FBXL17: variants seen among roughly 807,000 people sequenced by gnomAD.
FBXL17 encodes the protein F-box/LRR-repeat protein 17.
A neutral mutation model predicts 66.2 loss-of-function variants in FBXL17; 22 were observed. That is an observed-to-expected ratio of 0.33 (90% confidence interval 0.24 to 0.47). The LOEUF is 0.47. Ranked by LOEUF, FBXL17 falls within the 20% of genes least tolerant of loss-of-function variation. FBXL17 has a pLI of 1.00. For missense variants in FBXL17, 878 were observed against 948.2 expected, an observed-to-expected ratio of 0.93 and a Z score of 0.97; for synonymous variants, 474 against 400.5, an observed-to-expected ratio of 1.18 and a Z score of -2.19.
intron 7 of FBXL17, among the ~76,000 whole-genome samples, chr5:107,895,233 T>C (rs1749336460): frequency 6.6e-6 from 1 of 152,132 alleles, no homozygotes; most frequent in African/African-American, 2.4e-5. Flanking sequence ...AGATTCATCA[T>C]ATATTCCCTA....
Position 108,246,411 on chromosome 5 carries a change from G to A in FBXL17, c.1507-22183C>T, listed in dbSNP as rs116139956. Among the ~76,000 whole-genome samples the A allele has an allele frequency of 6.3e-3, 959 of 152,248 alleles. 8 individuals carry two copies. The highest frequency in any genetic ancestry group is 0.022 in the African/African-American group (918 of 41,526). Reference sequence around the variant, plus strand: ...GCACACCTGTAGTTCCAGGTGCTTGGGAGTCTGAGGTGGAAGGATCACTTG... The same window carrying A: ...GCACACCTGTAGTTCCAGGTGCTTGAGAGTCTGAGGTGGAAGGATCACTTG... On this transcript the variant is annotated intron_variant, in intron 4 of 8. Coordinates refer to ENST00000542267, the MANE Select transcript of FBXL17 (RefSeq NM_001163315.3).
At chr5:107,918,735 G>A (rs951197575) in intron 7 of FBXL17, among the ~76,000 whole-genome samples, 1 of 152,168 alleles carries the variant, frequency 6.6e-6, no homozygotes, top group African/African-American at 2.4e-5. Flanking sequence ...ACTGAATTAT[G>A]ATAGACAGTG....
chr5:107,892,283 A>G (rs1291769245), intron 7 of FBXL17, among the ~76,000 whole-genome samples: 1 of 150,214 alleles, frequency 6.7e-6, no homozygotes, highest in Non-Finnish European at 1.5e-5. Flanking sequence ...ATAAGCACTT[A>G]GGGGAAAAAT....
chr5:108,140,146 A>G (rs895806056), intron 6 of FBXL17, among the ~76,000 whole-genome samples: 1 of 152,128 alleles, frequency 6.6e-6, no homozygotes, highest in Non-Finnish European at 1.5e-5. Context: ...CCTGGGCTCA[A>G]GCAATCCTCC....
chr5:108,068,571 T>C (rs146720493), intron 6 of FBXL17, among the ~76,000 whole-genome samples: 1,957 of 152,018 alleles, frequency 0.013, 43 homozygotes, highest in African/African-American at 0.045. Context: ...TTCTCCCACC[T>C]CAGCCCCCTG....
At chr5:107,884,716 C>T (rs1374565186) in intron 7 of FBXL17, among the ~76,000 whole-genome samples, 1 of 152,182 alleles carries the variant, frequency 6.6e-6, no homozygotes, top group Non-Finnish European at 1.5e-5. Flanking sequence ...TGTTTGACAT[C>T]GGGATCACAT....
chr5:108,009,263 ATATAT>A (rs1754068702), intron 7 of FBXL17, among the ~76,000 whole-genome samples: 3 of 36,432 alleles, frequency 8.2e-5, no homozygotes, highest in East Asian at 1.7e-3. Flanking sequence ...TCCCTGTTTT[ATATAT>A]ATATATATAT....
chr5:108,025,729 A>G (rs378397), intron 6 of FBXL17, among the ~76,000 whole-genome samples: 49,567 of 107,198 alleles, frequency 0.46, 9,182 homozygotes, highest in South Asian at 0.6. Context: ...GCGCGCGCGC[A>G]CACACACACA....
chr5:108,301,430 A>G (rs568147612), intron 4 of FBXL17, among the ~76,000 whole-genome samples: 2 of 149,528 alleles, frequency 1.3e-5, no homozygotes, highest in Middle Eastern at 3.4e-3. Context: ...TATATTTACA[A>G]CAGCTTATCT....
chr5:107,876,641 C>T (rs1016036412), intron 8 of FBXL17, among the ~76,000 whole-genome samples: 1 of 152,180 alleles, frequency 6.6e-6, no homozygotes, highest in Non-Finnish European at 1.5e-5. Flanking sequence ...TTCTCATCAA[C>T]CTTGTCACCC....
chr5:107,941,361 C>T (rs1751090604), intron 7 of FBXL17, among the ~76,000 whole-genome samples: 1 of 152,200 alleles, frequency 6.6e-6, no homozygotes, highest in East Asian at 1.9e-4. Flanking sequence ...CATTGCACTA[C>T]TCTACAGAAT....
chr5:108,344,162 T>C (rs1747087510), intron 4 of FBXL17, among the ~76,000 whole-genome samples: 1 of 145,006 alleles, frequency 6.9e-6, no homozygotes, highest in Admixed American at 7.0e-5. Flanking sequence ...CCCCTTAAAA[T>C]GCTTTCAGCC....
intron 7 of FBXL17, among the ~76,000 whole-genome samples, chr5:107,992,351 G>C (rs929767950): frequency 6.6e-6 from 1 of 152,048 alleles, no homozygotes; most frequent in South Asian, 2.1e-4. Flanking sequence ...ACAGAACAAA[G>C]GTAAATTTTC....
intron 4 of FBXL17, among the ~76,000 whole-genome samples, chr5:108,341,708 T>C (rs892270952): frequency 6.6e-6 from 1 of 152,122 alleles, no homozygotes; most frequent in Non-Finnish European, 1.5e-5. Flanking sequence ...CTTTCTTTCT[T>C]TTCCAGACCA....
intron 4 of FBXL17, among the ~76,000 whole-genome samples, chr5:108,337,107 T>A (rs1408142471): frequency 6.6e-6 from 1 of 151,746 alleles, no homozygotes; most frequent in Non-Finnish European, 1.5e-5. Context: ...AATACAAAAA[T>A]TAGCTGGGCG....
chr5:108,009,280 T>TAGATAGATAGATAGATAGATAG (rs1317627226), intron 7 of FBXL17, among the ~76,000 whole-genome samples: 2 of 22,722 alleles, frequency 8.8e-5, no homozygotes, highest in African/African-American at 1.6e-4. Context: ...TATATATATA[T>TAGATAGATAGATAGATAGATAG]ATATATATAT....
At chr5:108,198,077 C>G (rs1753749497) in intron 5 of FBXL17, among the ~76,000 whole-genome samples, 1 of 152,144 alleles carries the variant, frequency 6.6e-6, no homozygotes, top group Non-Finnish European at 1.5e-5. Flanking sequence ...GTCTTCCACA[C>G]TGTCACAAAA....
intron 7 of FBXL17, among the ~76,000 whole-genome samples, chr5:108,010,953 T>C (rs1403348940): frequency 6.6e-6 from 1 of 152,220 alleles, no homozygotes; most frequent in Non-Finnish European, 1.5e-5. Context: ...GGAAAGCTGA[T>C]ATTTATCTAA....
At chr5:107,885,290 G>T (rs1042714397) in intron 7 of FBXL17, among the ~76,000 whole-genome samples, 1 of 152,178 alleles carries the variant, frequency 6.6e-6, no homozygotes, top group Non-Finnish European at 1.5e-5. Context: ...GTGTGTTGAT[G>T]AAGGGTATAC....
Sources: allele counts gnomAD v4.1 joint callset (sites outside exome capture counted in the v4.1 genomes callset), GRCh38; gene constraint gnomAD v4.1.1; transcripts MANE v1.5; gene names NCBI Gene and HGNC (gene_info 2026-07-23, HGNC 2026-07-21).